Variants in LRRC4C observed in about 807,000 individuals in gnomAD.
LRRC4C encodes the protein leucine rich repeat containing 4C.
A neutral mutation model predicts 33.6 loss-of-function variants in LRRC4C; 5 were observed. That is an observed-to-expected ratio of 0.15 (90% CI 0.08 to 0.31). The LOEUF is 0.31. Among genes scored for constraint, LRRC4C ranks in the 10% least tolerant of loss-of-function variants. The probability of loss-of-function intolerance (pLI) is 1.00; values close to 1 mark genes in which losing one functional copy is unlikely to be tolerated. For synonymous variants in LRRC4C, 329 were observed against 302.0 expected, an observed-to-expected ratio of 1.09 and a Z score of -0.93; for missense variants, 560 against 796.7, an observed-to-expected ratio of 0.70 and a Z score of 3.58.
chr11:41,183,990 T>A (rs758464176), intron 1 of LRRC4C, among the ~76,000 whole-genome samples: 1 of 152,184 alleles, frequency 6.6e-6, no homozygotes, highest in African/African-American at 2.4e-5. Flanking sequence ...GCCCAAGCTA[T>A]AACTTGGCCC....
intron 3 of LRRC4C, among the ~76,000 whole-genome samples, chr11:40,345,472 G>T (rs906685791): frequency 9.2e-5 from 14 of 152,150 alleles, no homozygotes; most frequent in African/African-American, 3.1e-4. Flanking sequence ...TTAATAAATG[G>T]TGCTGGGAGA....
At chr11:41,314,447 AAG>A (rs1392425507) in intron 1 of LRRC4C, among the ~76,000 whole-genome samples, 1 of 152,206 alleles carries the variant, frequency 6.6e-6, no homozygotes, top group African/African-American at 2.4e-5. Context: ...GTTTTATAGA[AAG>A]AGAATTTAAG....
At chr11:40,320,545 T>C (rs1383957755) in intron 3 of LRRC4C, among the ~76,000 whole-genome samples, 2 of 152,062 alleles carry the variant, frequency 1.3e-5, no homozygotes, top group African/African-American at 4.8e-5. Context: ...AAATATACAC[T>C]GTAATTTACA....
At chr11:40,400,896 T>C (rs1231467921) in intron 3 of LRRC4C, among the ~76,000 whole-genome samples, 4 of 152,130 alleles carry the variant, frequency 2.6e-5, no homozygotes, top group African/African-American at 7.2e-5. Context: ...TTGGCCCAGA[T>C]TTCTTAATTT....
At chr11:40,394,095 A>G (rs1156481113) in intron 3 of LRRC4C, among the ~76,000 whole-genome samples, 1 of 152,128 alleles carries the variant, frequency 6.6e-6, no homozygotes, top group Non-Finnish European at 1.5e-5. Flanking sequence ...GAATGGGTAC[A>G]TAGTCTTGTT....
intron 1 of LRRC4C, among the ~76,000 whole-genome samples, chr11:40,961,770 T>C (rs1850993814): frequency 6.6e-6 from 1 of 151,618 alleles, no homozygotes; most frequent in South Asian, 2.1e-4. Flanking sequence ...AATCAAAAAA[T>C]CTATAAGAAC....
intron 3 of LRRC4C, among the ~76,000 whole-genome samples, chr11:40,508,662 A>T (rs1413818310): frequency 6.6e-6 from 1 of 152,128 alleles, no homozygotes; most frequent in Non-Finnish European, 1.5e-5. Context: ...TAAATTTTGA[A>T]ACTGGGAGTT....
At chr11:40,997,337 TGA>T (rs1217620440) in intron 1 of LRRC4C, among the ~76,000 whole-genome samples, 3 of 151,964 alleles carry the variant, frequency 2.0e-5, no homozygotes, top group African/African-American at 7.2e-5. Flanking sequence ...AGGAGAATGA[TGA>T]GAGAGGCACT....
intron 5 of LRRC4C, among the ~76,000 whole-genome samples, chr11:40,228,699 G>A (rs565698257): frequency 2.0e-5 from 3 of 152,306 alleles, no homozygotes; most frequent in South Asian, 2.1e-4. Flanking sequence ...AATATAGGAC[G>A]CTTGTCTGCA....
chr11:40,189,973 C>A (rs1309085062), intron 5 of LRRC4C, among the ~76,000 whole-genome samples: 1 of 152,142 alleles, frequency 6.6e-6, no homozygotes, highest in South Asian at 2.1e-4. Context: ...TAATCACCCA[C>A]AGAATCACAG....
At chr11:40,953,255 T>A (rs1017228690) in intron 1 of LRRC4C, among the ~76,000 whole-genome samples, 8 of 151,944 alleles carry the variant, frequency 5.3e-5, no homozygotes, top group Non-Finnish European at 1.0e-4. Context: ...AATTATTCGA[T>A]CTGCAGATTC....
chr11:40,851,817 A>C lies in LRRC4C; in HGVS notation c.-407+81818T>G, dbSNP rs538301438. On this transcript the variant is annotated intron_variant, in intron 2 of 6. Transcript: ENST00000528697. ...AAAAAGTATATGCTTAAATAAGTGG[A>C]TTGTCCTTTTCAGCCAGCATCTGTC... Among the ~76,000 whole-genome samples, 6 of 152,184 alleles carry C rather than the reference A, an allele frequency of 3.9e-5. No individual in the cohort carries two copies. The South Asian group carries it at 8.3e-4, about 21-fold the overall frequency.
intron 4 of LRRC4C, among the ~76,000 whole-genome samples, chr11:40,306,991 T>C (rs2136710924): frequency 1.5e-4 from 1 of 6,824 alleles, no homozygotes; most frequent in South Asian, 0.12. Context: ...GTTAGATATC[T>C]ATGTATCTAT....
At chr11:41,277,219 T>C (rs1949512146) in intron 1 of LRRC4C, among the ~76,000 whole-genome samples, 1 of 152,158 alleles carries the variant, frequency 6.6e-6, no homozygotes, top group Admixed American at 6.6e-5. Context: ...ATAACATGAA[T>C]GCTAACATGG....
chr11:41,362,556 G>T (rs948476326), intron 1 of LRRC4C, among the ~76,000 whole-genome samples: 2 of 152,010 alleles, frequency 1.3e-5, no homozygotes, highest in African/African-American at 4.8e-5. Flanking sequence ...GGTCCAGGGA[G>T]TTCCTACTTA....
intron 2 of LRRC4C, among the ~76,000 whole-genome samples, chr11:40,902,523 A>G (rs543680229): frequency 6.6e-6 from 1 of 152,264 alleles, no homozygotes; most frequent in East Asian, 1.9e-4. Context: ...TAGAAATGAT[A>G]AAGTTTAAAG....
At chr11:41,392,992 T>C (rs1953664706) in intron 1 of LRRC4C, among the ~76,000 whole-genome samples, 1 of 151,876 alleles carries the variant, frequency 6.6e-6, no homozygotes, top group Non-Finnish European at 1.5e-5. Context: ...AATATACCTG[T>C]TTTATTGTTA....
intron 1 of LRRC4C, among the ~76,000 whole-genome samples, chr11:41,028,577 A>T (rs1856530944): frequency 3.4e-5 from 1 of 29,044 alleles, no homozygotes; most frequent in African/African-American, 1.1e-4. Flanking sequence ...CACGACACAC[A>T]CACACACACA....
chr11:41,100,777 T>G (rs997080975), intron 1 of LRRC4C, among the ~76,000 whole-genome samples: 4 of 151,924 alleles, frequency 2.6e-5, no homozygotes, highest in Admixed American at 1.3e-4. Context: ...TGTCATGCTA[T>G]CCAACTTTAA....
Sources: allele counts gnomAD v4.1 joint callset (sites outside exome capture counted in the v4.1 genomes callset), GRCh38; gene constraint gnomAD v4.1.1; transcripts MANE v1.5; gene names NCBI Gene and HGNC (gene_info 2026-07-23, HGNC 2026-07-21).